KIAA0319L: variants seen among roughly 807,000 people sequenced by gnomAD.
The protein encoded by KIAA0319L is dyslexia-associated protein KIAA0319-like protein.
KIAA0319L carries 55 observed loss-of-function variants against 120.1 expected under a neutral mutation model. The observed-to-expected ratio is 0.46, with a 90% CI of 0.37 to 0.57. KIAA0319L has a LOEUF of 0.57. Among genes scored for constraint, KIAA0319L ranks in the 20% least tolerant of loss-of-function variants. The probability of loss-of-function intolerance (pLI) is 0.00; values close to 1 mark genes in which losing one functional copy is unlikely to be tolerated. For synonymous variants in KIAA0319L, 398 were observed against 471.9 expected, an observed-to-expected ratio of 0.84 and a Z score of 2.03; for missense variants, 1,049 against 1,255.3, an observed-to-expected ratio of 0.84 and a Z score of 2.48.
intron 2 of KIAA0319L, among the ~76,000 whole-genome samples, chr1:35,538,231 A>G (rs762267753): frequency 9.2e-5 from 14 of 152,160 alleles, no homozygotes; most frequent in African/African-American, 1.2e-4. Flanking sequence ...TCTATAGTAT[A>G]TATATAAAAT....
At chr1:35,508,536 C>A (rs1314044726) in intron 2 of KIAA0319L, among the ~76,000 whole-genome samples, 1 of 152,084 alleles carries the variant, frequency 6.6e-6, no homozygotes, top group African/African-American at 2.4e-5. Flanking sequence ...GAAGCCAGCA[C>A]TGGCACCAAC....
rs113388330 is a variant in KIAA0319L, at chr1:35,528,591, G to C, written c.143-21456C>G. Among the ~76,000 whole-genome samples the C allele has an allele frequency of 1.7e-3, 259 of 152,292 alleles. 1 individual carries two copies. Among genetic ancestry groups the C allele is most frequent in the African/African-American group, 5.9e-3 (246 of 41,554 alleles). On this transcript the variant is annotated intron_variant, in intron 2 of 20. Transcript: ENST00000325722. ...TGTTGATGGGAATGTGTATTTTGCAGTTGGTAGATGAAATGTTCTGTAAAT... is the reference window on the plus strand; with the variant it reads ...TGTTGATGGGAATGTGTATTTTGCACTTGGTAGATGAAATGTTCTGTAAAT...
At chr1:35,445,286 T>A (rs1408896150) in intron 16 of KIAA0319L, among the ~76,000 whole-genome samples, 1 of 152,192 alleles carries the variant, frequency 6.6e-6, no homozygotes, top group East Asian at 1.9e-4. Flanking sequence ...GGATTAACAA[T>A]GGGGCATTAT....
chr1:35,470,636 A>G (rs545675262), intron 6 of KIAA0319L, among the ~76,000 whole-genome samples: 15 of 152,318 alleles, frequency 9.8e-5, no homozygotes, highest in Non-Finnish European at 1.6e-4. Context: ...CGTTTAGTGT[A>G]TATTTTCAGC....
intron 19 of KIAA0319L, among the ~76,000 whole-genome samples, chr1:35,441,595 G>C (rs995671678): frequency 6.6e-6 from 1 of 152,112 alleles, no homozygotes; most frequent in Non-Finnish European, 1.5e-5. Context: ...CTCAGACAGT[G>C]ATGTACCTTT....
At position 35,460,415 on chromosome 1, in the gene KIAA0319L, G is replaced by A. The variant is rs749946295; in HGVS notation, c.1317C>T (p.Ile439=). Residue 439 remains isoleucine, a synonymous_variant, in exon 9 of 21, where the codon ATC becomes ATT. Coordinates refer to ENST00000325722, the MANE Select transcript of KIAA0319L (RefSeq NM_024874.5). ...TAAGTTCTTCCCAATGGTACTGAAC[G>A]ATTTTATCATCATCAGTGCTTTCTT... The part of the protein sequence containing the change: ...DGSQSTDDDK[I]VQYHWEELKG... The A allele has an allele frequency of 5.6e-6, 9 of 1,612,612 alleles. No individual in the cohort carries two copies. In the East Asian group the frequency reaches 8.9e-5, roughly 16 times the overall value.
At chr1:35,465,533 C>T (rs1211666315) in intron 7 of KIAA0319L, among the ~76,000 whole-genome samples, 3 of 152,162 alleles carry the variant, frequency 2.0e-5, no homozygotes, top group Non-Finnish European at 2.9e-5. Flanking sequence ...TAGGCAGAAT[C>T]GACTTGCCTT....
chr1:35,470,351 G>C (rs868380543), intron 6 of KIAA0319L, among the ~76,000 whole-genome samples: 2 of 152,010 alleles, frequency 1.3e-5, no homozygotes, highest in Middle Eastern at 3.4e-3. Context: ...AAATTAGCCA[G>C]GTATAATGGC....
rs1315519591 is a variant in KIAA0319L, at chr1:35,434,082, T to G, written c.*812A>C. The stretch of plus-strand genomic sequence containing the variant: ...TGTTAAGGGGGGGCCAGATATCATT[T>G]CTTTTTTTTTTTTTTTTTTTTTGAC... On this transcript the variant is annotated 3_prime_UTR_variant, in exon 21 of 21. Coordinates refer to ENST00000325722, the MANE Select transcript of KIAA0319L (RefSeq NM_024874.5). The G allele has an allele frequency of 1.4e-5, 2 of 143,176 alleles. No homozygotes were observed. Among genetic ancestry groups the G allele is most frequent in the Non-Finnish European group, 3.0e-5 (2 of 67,072 alleles). The allele number at this position is 143,176 out of a possible 1,614,324, so 8.9% of individuals were successfully genotyped here.
intron 16 of KIAA0319L, among the ~76,000 whole-genome samples, chr1:35,445,733 TATAAGGGCC>T (rs1237725118): frequency 3.3e-5 from 5 of 152,222 alleles, no homozygotes; most frequent in Non-Finnish European, 7.3e-5. Context: ...CTGGGTCTAA[TATAAGGGCC>T]ATGTTCTTTC....
chr1:35,541,968 C>T (rs1386478500), intron 2 of KIAA0319L, among the ~76,000 whole-genome samples: 1 of 152,144 alleles, frequency 6.6e-6, no homozygotes, highest in Non-Finnish European at 1.5e-5. Context: ...TAGTCTCAGA[C>T]CTGTAAAGCT....
chr1:35,460,501 A>G lies in KIAA0319L; in HGVS notation c.1295-64T>C, dbSNP rs368245646. ...CTTGGTCTTAGCACTTATCCAGTTT[A>G]CACAAACCAGGACAACTACCCAGAG... On this transcript the variant is annotated intron_variant, in intron 8 of 20. Coordinates refer to ENST00000325722, the MANE Select transcript of KIAA0319L (RefSeq NM_024874.5). 1.1e-4 allele frequency: 159 copies of G among 1,479,284 alleles called. 1 individual carries two copies. The African/African-American group carries it at 2.1e-3, about 19-fold the overall frequency. 91.6% of individuals were successfully genotyped at this position (1,479,284 alleles called of 1,614,324 possible). A position where few individuals can be genotyped will look rare whatever the true frequency, so the allele number is the denominator to read the frequency against.
chr1:35,450,529 T>C lies in KIAA0319L; in HGVS notation c.2063-20A>G, dbSNP rs1641982403. On this transcript the variant is annotated intron_variant, in intron 13 of 20. Coordinates refer to ENST00000325722, the MANE Select transcript of KIAA0319L (RefSeq NM_024874.5). ...TTATTTCTAATCAAAAAGAAATCAT[T>C]GACATAATGTGACATTCTGGAAAAG... 1.9e-6 allele frequency: 3 copies of C among 1,578,270 alleles called. No individual in the cohort carries two copies. Among genetic ancestry groups the C allele is most frequent in the Non-Finnish European group, 2.6e-6 (3 of 1,152,486 alleles).
intron 3 of KIAA0319L, among the ~76,000 whole-genome samples, chr1:35,487,366 T>A (rs1284465214): frequency 1.3e-5 from 2 of 152,144 alleles, no homozygotes; most frequent in South Asian, 4.1e-4. Flanking sequence ...GTGATTCTCG[T>A]GCCTCAGCCT....
At chr1:35,440,512 C>T (rs1183264788) in intron 20 of KIAA0319L, 1 of 155,114 alleles carries the variant, frequency 6.4e-6, no homozygotes, top group East Asian at 1.9e-4. Flanking sequence ...CCCTGATCTC[C>T]CAGTGCCATC....
intron 7 of KIAA0319L, among the ~76,000 whole-genome samples, chr1:35,465,695 G>A (rs1643208853): frequency 6.6e-6 from 1 of 152,150 alleles, no homozygotes; most frequent in Admixed American, 6.5e-5. Context: ...GTTTGGCTGT[G>A]TCCCCACCCA....
chr1:35,480,716 C>T (rs1438070886), intron 3 of KIAA0319L, among the ~76,000 whole-genome samples: 5 of 151,746 alleles, frequency 3.3e-5, no homozygotes, highest in African/African-American at 9.7e-5. Flanking sequence ...CGAGAGGAGG[C>T]GGAGGCTGCA....
chr1:35,453,462 C>A lies in KIAA0319L; in HGVS notation c.1913+95G>T. The A allele has an allele frequency of 8.4e-7, 1 of 1,195,332 alleles. No homozygotes were observed. The highest frequency in any genetic ancestry group is 1.2e-6 in the Non-Finnish European group (1 of 831,024). 74.0% of individuals were successfully genotyped at this position (1,195,332 alleles called of 1,614,324 possible). A position where few individuals can be genotyped will look rare whatever the true frequency, so the allele number is the denominator to read the frequency against. On this transcript the variant is annotated intron_variant, in intron 12 of 20. Coordinates refer to ENST00000325722, the MANE Select transcript of KIAA0319L (RefSeq NM_024874.5). This position sits in a 1 kb window ranked among gnomAD's most constrained non-coding sequence, Gnocchi z 4.1. ...TCCTCAGTCACCCCACTGGATAAGC[C>A]AATAAGAGCAACTCAACTCATAATA...
chr1:35,450,206 G>A (rs1048485719), intron 14 of KIAA0319L, 152 bp downstream of exon 14: 40 of 988,148 alleles, frequency 4.0e-5, no homozygotes, highest in Non-Finnish European at 5.3e-5. Flanking sequence ...CTAGCTTACA[G>A]AATGACCCTA....
Sources: allele counts gnomAD v4.1 joint callset (sites outside exome capture counted in the v4.1 genomes callset), GRCh38; gene constraint gnomAD v4.1.1; non-coding constraint Gnocchi (gnomAD v3.1); transcripts MANE v1.5; gene names NCBI Gene and HGNC (gene_info 2026-07-23, HGNC 2026-07-21).